CPED1: variants seen among roughly 807,000 people sequenced by gnomAD.
CPED1 encodes the protein cadherin-like and PC-esterase domain-containing protein 1.
CPED1 carries 114 observed loss-of-function variants against 128.2 expected under a neutral mutation model. That is an observed-to-expected ratio of 0.89 (90% CI 0.76 to 1.04). The LOEUF (loss-of-function observed/expected upper bound fraction) is 1.04, where lower values mean the gene tolerates loss of function less well. Among genes scored for constraint, CPED1 ranks in the 50% least tolerant of loss-of-function variants. The probability of loss-of-function intolerance (pLI) is 0.00; values close to 1 mark genes in which losing one functional copy is unlikely to be tolerated. For missense variants in CPED1, 1,211 were observed against 1,207.1 expected (o/e 1.00, Z -0.05); for synonymous variants, 462 against 426.7 (o/e 1.08, Z -1.02).
chr7:121,089,982 A>T (rs1794534842), intron 5 of CPED1, among the ~76,000 whole-genome samples: 1 of 152,214 alleles, frequency 6.6e-6, no homozygotes, highest in Admixed American at 6.5e-5. Context: ...CAGCGAAATC[A>T]TAGGGCAAGA....
chr7:121,012,805 T>C (rs1261097260), intron 2 of CPED1, among the ~76,000 whole-genome samples: 2 of 152,244 alleles, frequency 1.3e-5, no homozygotes, highest in South Asian at 2.1e-4. Flanking sequence ...TTTCAGTCTA[T>C]GCTATGATGG....
intron 7 of CPED1, among the ~76,000 whole-genome samples, chr7:121,121,394 T>C (rs1474058961): frequency 6.6e-6 from 1 of 152,180 alleles, no homozygotes; most frequent in Admixed American, 6.5e-5. Flanking sequence ...TACAAACAAA[T>C]GATGATGCAT....
chr7:121,143,966 A>G (rs1364603075), intron 16 of CPED1, among the ~76,000 whole-genome samples: 1 of 152,022 alleles, frequency 6.6e-6, no homozygotes, highest in Non-Finnish European at 1.5e-5. Context: ...AAATAAATGA[A>G]GTATGGATAC....
intron 4 of CPED1, among the ~76,000 whole-genome samples, chr7:121,057,776 T>C (rs1793538807): frequency 6.6e-6 from 1 of 152,204 alleles, no homozygotes; most frequent in African/African-American, 2.4e-5. Context: ...GCTGGGAAGA[T>C]AGCAATTAAA....
chr7:121,125,478 A>G (rs547804830), intron 8 of CPED1, among the ~76,000 whole-genome samples: 2 of 151,726 alleles, frequency 1.3e-5, no homozygotes, highest in African/African-American at 2.4e-5. Flanking sequence ...AACCCCCAAC[A>G]GGCCCCAGTG....
At chr7:121,026,520 C>A (rs1249365771) in intron 3 of CPED1, among the ~76,000 whole-genome samples, 1 of 152,088 alleles carries the variant, frequency 6.6e-6, no homozygotes, top group Non-Finnish European at 1.5e-5. Context: ...ACTTCCACAT[C>A]CCTGCTATAG....
intron 16 of CPED1, among the ~76,000 whole-genome samples, chr7:121,194,611 T>C (rs1357429819): frequency 6.6e-6 from 1 of 152,158 alleles, no homozygotes; most frequent in African/African-American, 2.4e-5. Context: ...TCATTGCTTA[T>C]TTAAAAATGT....
intron 16 of CPED1, among the ~76,000 whole-genome samples, chr7:121,188,836 C>T (rs752456579): frequency 6.6e-6 from 1 of 152,008 alleles, no homozygotes; most frequent in Non-Finnish European, 1.5e-5. Context: ...CTCAGATACG[C>T]CATTATGTCA....
At chr7:121,042,843 T>C (rs1406768553) in intron 3 of CPED1, among the ~76,000 whole-genome samples, 3 of 152,210 alleles carry the variant, frequency 2.0e-5, no homozygotes, top group African/African-American at 4.8e-5. Context: ...TTATTTGTAG[T>C]GGCTTTGGCC....
rs111232279 is a variant in CPED1 at position 121,079,950 on chromosome 7, A to G, written c.616+15637A>G. 9.1e-3 allele frequency among the ~76,000 whole-genome samples: 1,390 copies of G among 152,312 alleles called. 19 individuals carry two copies. The highest frequency in any genetic ancestry group is 0.031 in the African/African-American group (1,289 of 41,550). Reference sequence around the variant, plus strand: ...TTCTGACAATTAATTCTGATTTTCAATAGACCAAAACTGAAGAAGTGAAAA... The same window carrying G: ...TTCTGACAATTAATTCTGATTTTCAGTAGACCAAAACTGAAGAAGTGAAAA... On this transcript the variant is annotated intron_variant, in intron 5 of 22. Transcript: ENST00000310396.
intron 21 of CPED1, among the ~76,000 whole-genome samples, chr7:121,268,702 A>G (rs1034587296): frequency 2.0e-5 from 3 of 151,952 alleles, no homozygotes; most frequent in African/African-American, 7.2e-5. Context: ...CAGGCTGAGC[A>G]TATTTCAGTT....
chr7:121,263,258 T>C (rs1025297291), intron 18 of CPED1, among the ~76,000 whole-genome samples: 7 of 152,034 alleles, frequency 4.6e-5, no homozygotes, highest in Non-Finnish European at 8.8e-5. Flanking sequence ...TTTCCAGCCA[T>C]GCTTCAAGTC....
At chr7:121,162,468 T>A (rs1406283539) in intron 16 of CPED1, among the ~76,000 whole-genome samples, 1 of 152,192 alleles carries the variant, frequency 6.6e-6, no homozygotes, top group Non-Finnish European at 1.5e-5. Flanking sequence ...TATAATCCAA[T>A]GCACTCATAC....
At chr7:120,994,657 G>GTGTTGT (rs1554418494) in intron 2 of CPED1, among the ~76,000 whole-genome samples, 8 of 149,302 alleles carry the variant, frequency 5.4e-5, no homozygotes, top group Middle Eastern at 3.4e-3. Flanking sequence ...GTGTGTGTGT[G>GTGTTGT]TGTTGTTGTT....
intron 16 of CPED1, among the ~76,000 whole-genome samples, chr7:121,187,540 T>C (rs1797030934): frequency 6.6e-6 from 1 of 152,092 alleles, no homozygotes; most frequent in Non-Finnish European, 1.5e-5. Context: ...GGTTTTGTGT[T>C]CATTGGATCT....
chr7:121,257,511 A>AT (rs538720133), intron 18 of CPED1, among the ~76,000 whole-genome samples: 44,740 of 150,416 alleles, frequency 0.3, 6,984 homozygotes, highest in Middle Eastern at 0.44. Flanking sequence ...TGAGAAAGAT[A>AT]TTTTTTTTTT....
Position 121,006,194 on chromosome 7 carries a change from A to G in CPED1, c.250-9471A>G, listed in dbSNP as rs570934456. ...TGCTGAATTAACTTGTTGTTTTGGCATCAGGGGACAGAGACTTGCTATTAT... is the reference window on the plus strand; with the variant it reads ...TGCTGAATTAACTTGTTGTTTTGGCGTCAGGGGACAGAGACTTGCTATTAT... On this transcript the variant is annotated intron_variant, in intron 2 of 22. Transcript: ENST00000310396. 2.0e-5 allele frequency among the ~76,000 whole-genome samples: 3 copies of G among 152,256 alleles called. No individual in the cohort carries two copies. In the East Asian group the frequency reaches 5.8e-4, roughly 29 times the overall value.
Position 121,236,763 on chromosome 7 carries a change from T to C in CPED1, c.2105T>C (p.Ile702Thr). The C allele has an allele frequency of 3.1e-6, 5 of 1,610,342 alleles. No homozygotes were observed. The highest frequency in any genetic ancestry group is 4.2e-6 in the Non-Finnish European group (5 of 1,178,528). Residue 702 changes from isoleucine (I) to threonine (T), a missense_variant, in exon 17 of 23, where the codon ATT (isoleucine) becomes ACT (threonine). Coordinates refer to ENST00000310396, the MANE Select transcript of CPED1 (RefSeq NM_024913.5). Reference protein sequence around the residue: ...HPEETCGLQPISSDYIEAILQ... With the variant: ...HPEETCGLQPTSSDYIEAILQ... ...GAGGAAACCTGTGGGTTACAGCCTATTTCTTCTGACTACATTGAAGCCATT... is the reference window on the plus strand; with the variant it reads ...GAGGAAACCTGTGGGTTACAGCCTACTTCTTCTGACTACATTGAAGCCATT...
intron 7 of CPED1, among the ~76,000 whole-genome samples, chr7:121,111,326 T>G (rs1010126218): frequency 6.6e-6 from 1 of 152,208 alleles, no homozygotes; most frequent in Admixed American, 6.5e-5. Flanking sequence ...AACAGAAGTA[T>G]CCTACCACTT....
Sources: allele counts gnomAD v4.1 joint callset (sites outside exome capture counted in the v4.1 genomes callset), GRCh38; gene constraint gnomAD v4.1.1; transcripts MANE v1.5; gene names NCBI Gene and HGNC (gene_info 2026-07-23, HGNC 2026-07-21).